CD2AP: variants seen among roughly 807,000 people sequenced by gnomAD.
CD2AP encodes the protein CD2-associated protein.
A neutral mutation model predicts 85.1 loss-of-function variants in CD2AP; 46 were observed. The observed-to-expected ratio is 0.54, with a 90% CI of 0.43 to 0.69. CD2AP has a LOEUF of 0.69. Ranked by LOEUF, CD2AP falls within the 30% of genes least tolerant of loss-of-function variation. CD2AP has a pLI of 0.00. For missense variants in CD2AP, 769 were observed against 729.5 expected (o/e 1.05, Z -0.62); for synonymous variants, 255 against 252.9 (o/e 1.01, Z -0.08).
At chr6:47,613,308 C>T (rs1453513120) in intron 17 of CD2AP, among the ~76,000 whole-genome samples, 2 of 152,264 alleles carry the variant, frequency 1.3e-5, no homozygotes, top group South Asian at 2.1e-4. Flanking sequence ...GAATCACTAT[C>T]TATGGCAGCT....
intron 6 of CD2AP, among the ~76,000 whole-genome samples, chr6:47,576,196 C>G (rs1036081692): frequency 1.3e-5 from 2 of 152,292 alleles, no homozygotes; most frequent in Admixed American, 1.3e-4. Flanking sequence ...CTGCCTTGGC[C>G]TCCCTAAGTG....
chr6:47,505,184 A>C (rs980966219), intron 2 of CD2AP, among the ~76,000 whole-genome samples: 6 of 144,478 alleles, frequency 4.2e-5, no homozygotes, highest in African/African-American at 1.5e-4. Flanking sequence ...GGCCTTCCGC[A>C]GTGTTTGTGT....
At chr6:47,576,864 T>C (rs1768328010) in intron 7 of CD2AP, 145 bp from the exon 8 acceptor site, 2 of 657,458 alleles carry the variant, frequency 3.0e-6, no homozygotes, top group South Asian at 1.8e-5. Flanking sequence ...ACATACGGTA[T>C]TGACTATAAG....
intron 2 of CD2AP, among the ~76,000 whole-genome samples, chr6:47,515,517 C>G (rs367584453): frequency 2.0e-5 from 3 of 152,244 alleles, no homozygotes; most frequent in East Asian, 1.9e-4. Context: ...GTCATTCTTA[C>G]CCAAAGTCTT....
intron 13 of CD2AP, among the ~76,000 whole-genome samples, chr6:47,605,324 G>A (rs1769240868): frequency 6.6e-6 from 1 of 151,890 alleles, no homozygotes; most frequent in Non-Finnish European, 1.5e-5. Context: ...AGATATCTGG[G>A]CTTTAGAGTT....
intron 5 of CD2AP, among the ~76,000 whole-genome samples, chr6:47,558,938 G>A (rs1432505847): frequency 6.6e-6 from 1 of 152,156 alleles, no homozygotes; most frequent in Admixed American, 6.5e-5. Context: ...GTTCGGCTAT[G>A]AATCCATCTA....
rs549552242 is a variant in CD2AP at position 47,558,702 on chromosome 6, T to G, written c.541+3936T>G. Among the ~76,000 whole-genome samples the G allele has an allele frequency of 2.0e-5, 3 of 152,362 alleles. No homozygotes were observed. The East Asian group carries it at 5.8e-4, about 29-fold the overall frequency. On this transcript the variant is annotated intron_variant, in intron 5 of 17. Transcript: ENST00000359314. ...TGATTGTGGTGGATAAGCTTTTTAA[T>G]GTGCTGCTGGATTTGGTTTGCCAGT...
At chr6:47,601,388 TC>T (rs572962812) in intron 13 of CD2AP, among the ~76,000 whole-genome samples, 101 of 152,104 alleles carry the variant, frequency 6.6e-4, no homozygotes, top group African/African-American at 2.3e-3. Flanking sequence ...AGGCTGCTGT[TC>T]TTTATTCCTT....
chr6:47,543,408 G>A (rs1488540430), intron 3 of CD2AP, among the ~76,000 whole-genome samples: 2 of 152,076 alleles, frequency 1.3e-5, no homozygotes, highest in African/African-American at 4.8e-5. Flanking sequence ...TTGTTAAAGT[G>A]CACACTCTGA....
chr6:47,500,634 C>G (rs1350033506), intron 1 of CD2AP, among the ~76,000 whole-genome samples: 1 of 152,142 alleles, frequency 6.6e-6, no homozygotes, highest in Non-Finnish European at 1.5e-5. Context: ...CTTTTTTCTC[C>G]TCCACGTTAA....
rs774293179 is a variant in CD2AP at position 47,504,480 on chromosome 6, T to TA, written c.165+1041dup. ...AAAATATGCAGATGCTCAGATCTGTTATATAAAATGGCATAGTATTTGCAT... is the reference window on the plus strand; with the variant it reads ...AAAATATGCAGATGCTCAGATCTGTTAATATAAAATGGCATAGTATTTGCAT... On this transcript the variant is annotated intron_variant, in intron 2 of 17. Transcript: ENST00000359314. Among the ~76,000 whole-genome samples the TA allele has an allele frequency of 6.6e-5, 10 of 152,344 alleles. No individual in the cohort carries two copies. The East Asian group carries it at 1.3e-3, about 21-fold the overall frequency.
chr6:47,486,481 C>T (rs1015641450), intron 1 of CD2AP, among the ~76,000 whole-genome samples: 1 of 152,114 alleles, frequency 6.6e-6, no homozygotes, highest in African/African-American at 2.4e-5. Context: ...GTAGGAGAAG[C>T]ATATGGAATA....
At position 47,533,455 on chromosome 6, in the gene CD2AP, T is replaced by TA. The variant is rs539858708; in HGVS notation, c.166-146dup. 3,531 of 733,182 alleles carry TA rather than the reference T, an allele frequency of 4.8e-3. 35 individuals carry two copies. Among genetic ancestry groups the TA allele is most frequent in the South Asian group, 0.017 (922 of 52,754 alleles). 45.4% of individuals were successfully genotyped at this position (733,182 alleles called of 1,614,324 possible). On this transcript the variant is annotated intron_variant, in intron 2 of 17. Coordinates refer to ENST00000359314, the MANE Select transcript of CD2AP (RefSeq NM_012120.3). ...ACCAAAATGTGTTTTATTCTTCAGA[T>TA]ATGTTTGAGCAGAGCAAAGGTTGGA...
intron 4 of CD2AP, among the ~76,000 whole-genome samples, chr6:47,550,714 A>G (rs967893012): frequency 1.3e-5 from 2 of 152,034 alleles, no homozygotes; most frequent in African/African-American, 4.8e-5. Context: ...CATTATATGA[A>G]AAAGATAGTT....
chr6:47,589,542 A>G (rs1409855438), intron 11 of CD2AP, among the ~76,000 whole-genome samples: 1 of 108,076 alleles, frequency 9.3e-6, no homozygotes, highest in African/African-American at 3.4e-5. Context: ...ACATATGTAC[A>G]CATATATATA....
intron 3 of CD2AP, among the ~76,000 whole-genome samples, chr6:47,539,004 C>G (rs1767129803): frequency 6.6e-6 from 1 of 152,052 alleles, no homozygotes; most frequent in Non-Finnish European, 1.5e-5. Context: ...GTGTCAAATG[C>G]CTTTGTATCT....
At chr6:47,554,437 G>A (rs894887537) in intron 4 of CD2AP, among the ~76,000 whole-genome samples, 2 of 152,112 alleles carry the variant, frequency 1.3e-5, no homozygotes, top group Non-Finnish European at 2.9e-5. Flanking sequence ...GCGAAGTACT[G>A]TTGATGTATG....
chr6:47,527,555 A>T (rs890135055), intron 2 of CD2AP, among the ~76,000 whole-genome samples: 17 of 152,220 alleles, frequency 1.1e-4, no homozygotes, highest in African/African-American at 4.1e-4. Flanking sequence ...GTAGATTCTT[A>T]TTTCCTGTGG....
chr6:47,547,032 A>G (rs1767382239), intron 4 of CD2AP, among the ~76,000 whole-genome samples: 1 of 152,178 alleles, frequency 6.6e-6, no homozygotes, highest in South Asian at 2.1e-4. Flanking sequence ...GGAGCTCTAA[A>G]TCTTGAAGCA....
Sources: gnomAD v4.1 joint callset for allele counts (sites outside exome capture counted in the v4.1 genomes callset) on GRCh38, gnomAD v4.1.1 for gene constraint, MANE v1.5 for transcripts, NCBI Gene and HGNC (gene_info 2026-07-23, HGNC 2026-07-21) for gene names.